The following LONP1 variants were observed in gnomAD, a reference collection of about 807,000 sequenced individuals.
The protein encoded by LONP1 is lon protease homolog, mitochondrial.
In LONP1, 31 loss-of-function variants were observed where a neutral mutation model predicts 98.5. That is an observed-to-expected ratio of 0.31 (90% CI 0.24 to 0.42). The LOEUF (loss-of-function observed/expected upper bound fraction) is 0.42, where lower values mean the gene tolerates loss of function less well. Among genes scored for constraint, LONP1 ranks in the 20% least tolerant of loss-of-function variants. The pLI, the probability that LONP1 is intolerant of heterozygous loss-of-function variation, is 1.00. For synonymous variants in LONP1, 781 were observed against 594.7 expected (o/e 1.31, Z -4.56); for missense variants, 1,336 against 1,350.6 (o/e 0.99, Z 0.17).
At chr19:5,707,390 CAA>C (rs920071625) in intron 6 of LONP1, among the ~76,000 whole-genome samples, 2 of 152,174 alleles carry the variant, frequency 1.3e-5, no homozygotes, top group African/African-American at 4.8e-5. Context: ...CTCACAACAG[CAA>C]AAGACTGGCA....
At chr19:5,711,269 C>G (rs1387699832) in intron 4 of LONP1, among the ~76,000 whole-genome samples, 2 of 152,248 alleles carry the variant, frequency 1.3e-5, no homozygotes, top group African/African-American at 4.8e-5. Context: ...GCTTCGCTGA[C>G]TGTCCCTACA....
chr19:5,715,453 C>A (rs1287784266), intron 1 of LONP1, among the ~76,000 whole-genome samples: 1 of 150,384 alleles, frequency 6.6e-6, no homozygotes, highest in Non-Finnish European at 1.5e-5. Context: ...ACCATCCTGG[C>A]TAACACGGTG....
rs548910490 is a variant in LONP1 at position 5,701,903 on chromosome 19, G to A, written c.1368-976C>T. Among the ~76,000 whole-genome samples the A allele has an allele frequency of 1.5e-3, 221 of 149,638 alleles. 1 individual carries two copies. Among genetic ancestry groups the A allele is most frequent in the African/African-American group, 5.1e-3 (206 of 40,352 alleles). ...ATGTGGGGAGCGCCTCTGCCCCGCCGCCCTGTCTGGGATATGAGGAGCGCC... is the reference window on the plus strand; with the variant it reads ...ATGTGGGGAGCGCCTCTGCCCCGCCACCCTGTCTGGGATATGAGGAGCGCC... On this transcript the variant is annotated intron_variant, in intron 8 of 17. Coordinates refer to ENST00000360614, the MANE Select transcript of LONP1 (RefSeq NM_004793.4).
In LONP1 at chr19:5,699,970, C is replaced by T. The variant is rs144125560; in HGVS notation, c.1507-765G>A. Reference sequence around the variant, plus strand: ...ATTAATTAATTTTCAGACAAGGTCTCGCTCTGTCACCCAGGCTGGAGTGTA... The same window carrying T: ...ATTAATTAATTTTCAGACAAGGTCTTGCTCTGTCACCCAGGCTGGAGTGTA... On this transcript the variant is annotated intron_variant, in intron 9 of 17. Coordinates refer to ENST00000360614, the MANE Select transcript of LONP1 (RefSeq NM_004793.4). Among the ~76,000 whole-genome samples the T allele has an allele frequency of 3.7e-3, 556 of 152,158 alleles. 4 individuals carry two copies. The highest frequency in any genetic ancestry group is 0.013 in the African/African-American group (533 of 41,518).
chr19:5,714,092 G>A (rs749180948), intron 2 of LONP1, 91 bp downstream of exon 2: 16 of 956,510 alleles, frequency 1.7e-5, no homozygotes, highest in Admixed American at 5.0e-5. Flanking sequence ...TCGGGGTCAG[G>A]GGTCAAAGGT....
At position 5,714,212 on chromosome 19, in the gene LONP1, A is replaced by G. The variant is rs777790647; in HGVS notation, c.489T>C (p.Tyr163=). Residue 163 remains tyrosine (Y), a synonymous_variant, in exon 2 of 18, where the codon TAT becomes TAC. Transcript: ENST00000360614. ...LRRKVRLAQP[Y]VGVFLKRDDS... ...CATCTCTCTTTAGAAAGACGCCGAC[A>G]TAAGGCTGGGCGAGACGAACTTTCC... 3.7e-6 allele frequency: 6 copies of G among 1,613,844 alleles called. No homozygotes were observed. Among genetic ancestry groups the G allele is most frequent in the South Asian group, 1.1e-5 (1 of 91,014 alleles).
rs148255958 is a variant in LONP1 at position 5,718,642 on chromosome 19, C to T, written c.429+1062G>A. Among the ~76,000 whole-genome samples the T allele has an allele frequency of 1.1e-4, 17 of 152,130 alleles. No homozygotes were observed. The East Asian group carries it at 3.1e-3, about 28-fold the overall frequency. ...GCGCAGAGGCTGACTCACTGCGTGACCTTGCTCTGCCAGTTAGGAGATAAC... is the reference window on the plus strand; with the variant it reads ...GCGCAGAGGCTGACTCACTGCGTGATCTTGCTCTGCCAGTTAGGAGATAAC... On this transcript the variant is annotated intron_variant, in intron 1 of 17. Coordinates refer to ENST00000360614, the MANE Select transcript of LONP1 (RefSeq NM_004793.4).
chr19:5,720,078 G>C lies in LONP1; in HGVS notation c.55C>G (p.Leu19Val), dbSNP rs554269824. The C allele has an allele frequency of 4.7e-6, 7 of 1,495,956 alleles. No individual in the cohort carries two copies. Among genetic ancestry groups the C allele is most frequent in the Non-Finnish European group, 6.2e-6 (7 of 1,131,480 alleles). The allele number at this position is 1,495,956 out of a possible 1,614,324, so 92.7% of individuals were successfully genotyped here. A position where few individuals can be genotyped will look rare whatever the true frequency, so the allele number is the denominator to read the frequency against. The stretch of plus-strand genomic sequence containing the variant: ...GCGGCGGCCAGCATCGGCCGCCGCA[G>C]CACCCAGCACCGCGCCGCTCCCCAC... ...RLWGAARCWV[L>V]RRPMLAAAGG... The change falls in exon 1 of 18, where the codon CTG becomes GTG. Residue 19 changes from leucine (L) to valine (V), a missense_variant. By Grantham distance (32) the Leu-to-Val change is conservative (BLOSUM62 1). This residue lies in a region of LONP1 where 457 missense variants were observed against 403.1 expected (regional missense o/e 1.13). Transcript: ENST00000360614.
Position 5,694,767 on chromosome 19 carries a change from C to T in LONP1, c.2148G>A (p.Val716=), listed in dbSNP as rs1031888380. Residue 716 remains valine (V), a synonymous_variant, in exon 14 of 18, where the codon GTG becomes GTA. Transcript: ENST00000360614. ...GGGCGGGCTGGCCGCTCACCTTCTC[C>T]ACTTGCTTCTGCAGGTTGCGGACAC... ...ESGVRNLQKQ[V]EKVLRKSAYK... 3.8e-6 allele frequency: 6 copies of T among 1,589,392 alleles called. No individual in the cohort carries two copies. Among genetic ancestry groups the T allele is most frequent in the Non-Finnish European group, 4.3e-6 (5 of 1,160,654 alleles).
chr19:5,707,894 G>A lies in LONP1; in HGVS notation c.933-68C>T, dbSNP rs532265044. 388 of 1,575,670 alleles carry A rather than the reference G, an allele frequency of 2.5e-4. 1 individual carries two copies. The highest frequency in any genetic ancestry group is 1.7e-3 in the East Asian group (76 of 44,470). ...CTCTGCTGCAGTGCAGCCCCCAAAC[G>A]GGGACCCGGTCCTCAGGGTCCCTGT... On this transcript the variant is annotated intron_variant, in intron 5 of 17. Coordinates refer to ENST00000360614, the MANE Select transcript of LONP1 (RefSeq NM_004793.4).
chr19:5,699,440 C>T (rs985698033), intron 9 of LONP1, among the ~76,000 whole-genome samples: 7 of 152,120 alleles, frequency 4.6e-5, no homozygotes, highest in African/African-American at 1.7e-4. Flanking sequence ...TAGGAGACCG[C>T]GGCCACCCGG....
At chr19:5,698,997 G>C in intron 10 of LONP1, 30 bp downstream of exon 10, 1 of 1,582,068 alleles carries the variant, frequency 6.3e-7, no homozygotes, top group Non-Finnish European at 8.6e-7. Context: ...TGAGGGGAGT[G>C]CGTGGGGAGA....
At chr19:5,712,484 C>T (rs1048381805) in intron 3 of LONP1, 4 of 179,386 alleles carry the variant, frequency 2.2e-5, no homozygotes, top group Admixed American at 5.6e-5. Flanking sequence ...ACGCTGTCTG[C>T]GTCTCCCCTC....
At chr19:5,708,660 TAGGATA>T in intron 4 of LONP1, 1 of 437,062 alleles carries the variant, frequency 2.3e-6, no homozygotes, top group South Asian at 3.9e-5. Context: ...GCCTTGTCCT[TAGGATA>T]AGCTATCTCA....
At position 5,716,253 on chromosome 19, in the gene LONP1, A is replaced by AATATATATAT. The variant is rs1200539692; in HGVS notation, c.430-1983_430-1982insATATATATAT. ...ATTCTTTATTATATAATAAAGTTAA[A>AATATATATAT]ATATACATATATATATATATATATA... is the stretch of plus-strand genomic sequence containing the variant. On this transcript the variant is annotated intron_variant, in intron 1 of 17. Transcript: ENST00000360614. 1.7e-3 allele frequency among the ~76,000 whole-genome samples: 125 copies of AATATATATAT among 71,708 alleles called. 1 individual carries two copies. Among genetic ancestry groups the AATATATATAT allele is most frequent in the South Asian group, 3.4e-3 (6 of 1,754 alleles). 47.0% of individuals were successfully genotyped at this position (71,708 alleles called of 152,430 possible). A position where few individuals can be genotyped will look rare whatever the true frequency, so the allele number is the denominator to read the frequency against.
At chr19:5,693,888 G>T in intron 15 of LONP1, 119 bp from the exon 16 acceptor site, 1 of 837,824 alleles carries the variant, frequency 1.2e-6, no homozygotes, top group Non-Finnish European at 1.9e-6. Context: ...GTGCCCCTGG[G>T]CAGGGGTTGG....
At position 5,699,200 on chromosome 19, in the gene LONP1, G is replaced by A. The variant is rs763432896; in HGVS notation, c.1512C>T (p.Phe504=). Residue 504 remains phenylalanine (F), a synonymous_variant, in exon 10 of 18, where the codon TTC becomes TTT. Coordinates refer to ENST00000360614, the MANE Select transcript of LONP1 (RefSeq NM_004793.4). ...MEDVKKRILE[F]IAVSQLRGST... is the part of the protein sequence containing the mutation. Reference sequence around the variant, plus strand: ...AGCCGCGGAGCTGGCTAACGGCAATGAACTCCTGCAGACAGAGGCAGGTTC... The same window carrying A: ...AGCCGCGGAGCTGGCTAACGGCAATAAACTCCTGCAGACAGAGGCAGGTTC... 3 of 1,502,884 alleles carry A rather than the reference G, an allele frequency of 2.0e-6. No homozygotes were observed. Among genetic ancestry groups the A allele is most frequent in the Non-Finnish European group, 2.7e-6 (3 of 1,120,024 alleles). The allele number at this position is 1,502,884 out of a possible 1,614,324, so 93.1% of individuals were successfully genotyped here. A position where few individuals can be genotyped will look rare whatever the true frequency, so the allele number is the denominator to read the frequency against.
chr19:5,696,492 T>A, intron 11 of LONP1, 121 bp from the exon 12 acceptor site: 3 of 1,412,812 alleles, frequency 2.1e-6, no homozygotes, highest in Non-Finnish European at 2.9e-6. Context: ...CACCCTGCCT[T>A]GGACGGGCAG....
upstream of LONP1, chr19:5,720,316 C>T (rs73920048): frequency 8.0e-6 from 7 of 870,058 alleles, no homozygotes; most frequent in East Asian, 1.3e-4. Flanking sequence ...CCGCCTCTTC[C>T]GGTCTCCCAC....
Sources: allele counts gnomAD v4.1 joint callset (sites outside exome capture counted in the v4.1 genomes callset), GRCh38; gene constraint gnomAD v4.1.1; regional missense constraint gnomAD v4.1.1; transcripts MANE v1.5; gene names NCBI Gene and HGNC (gene_info 2026-07-23, HGNC 2026-07-21).